RHPN2: variants seen among roughly 807,000 people sequenced by gnomAD.
RHPN2 encodes the protein rhophilin Rho GTPase binding protein 2, also known as rhophilin-2.
RHPN2 carries 40 observed loss-of-function variants against 79.0 expected under a neutral mutation model. That is an observed-to-expected ratio of 0.51 (90% CI 0.39 to 0.66). The LOEUF (loss-of-function observed/expected upper bound fraction) is 0.66. Among genes scored for constraint, RHPN2 ranks in the 30% least tolerant of loss-of-function variants. The pLI, the probability that RHPN2 is intolerant of heterozygous loss-of-function variation, is 0.00. For missense variants in RHPN2, 686 were observed against 883.5 expected (o/e 0.78, Z 2.83); for synonymous variants, 285 against 363.5 (o/e 0.78, Z 2.46).
chr19:32,995,912 C>T, intron 11 of RHPN2, 114 bp downstream of exon 11: 1 of 981,700 alleles, frequency 1.0e-6, no homozygotes, highest in East Asian at 2.5e-5. Context: ...CTACCCTGTG[C>T]AGCTCTCCTT....
intron 1 of RHPN2, among the ~76,000 whole-genome samples, chr19:33,062,087 CACA>C (rs1972284896): frequency 6.6e-6 from 1 of 152,132 alleles, no homozygotes; most frequent in Non-Finnish European, 1.5e-5. Flanking sequence ...CATGGAGTAG[CACA>C]ACAATTGTTA....
At position 32,996,134 on chromosome 19, in the gene RHPN2, C is replaced by A; in HGVS notation, c.1312G>T (p.Val438Leu). 1 of 1,614,172 alleles carries A rather than the reference C, an allele frequency of 6.2e-7. No individual in the cohort carries two copies. The highest frequency in any genetic ancestry group is 8.5e-7 in the Non-Finnish European group (1 of 1,179,996). ...SLCKKLRSIE[V>L]LQKVLCAAQE... is the part of the protein sequence containing the mutation. ...GCGGCACACAGCACCTTCTGTAGCA[C>A]CTCAATGCTCCGCAGCTTCTTGCAG... Residue 438 changes from valine (V) to leucine (L), a missense_variant, in exon 11 of 15, where the codon GTG becomes TTG. Physicochemically the swap from Val to Leu is conservative, Grantham distance 32. Transcript: ENST00000254260.
chr19:32,990,864 A>G, intron 13 of RHPN2, 195 bp from the exon 14 acceptor site: 1 of 581,988 alleles, frequency 1.7e-6, no homozygotes, highest in East Asian at 3.2e-5. Flanking sequence ...ACCCATCTCT[A>G]CTAAAAATAC....
intron 2 of RHPN2, among the ~76,000 whole-genome samples, chr19:33,031,776 G>A (rs1276414241): frequency 6.6e-6 from 1 of 151,926 alleles, no homozygotes; most frequent in Non-Finnish European, 1.5e-5. Flanking sequence ...CTGCCTCACG[G>A]GTTCCAGTGA....
At chr19:33,064,335 T>C (rs1599840320) in intron 1 of RHPN2, among the ~76,000 whole-genome samples, 2 of 59,194 alleles carry the variant, frequency 3.4e-5, no homozygotes, top group Non-Finnish European at 5.3e-5. Flanking sequence ...AAAATAAATA[T>C]GAGACCGCCA....
chr19:33,005,866 C>T (rs1971786527), intron 7 of RHPN2, among the ~76,000 whole-genome samples: 1 of 152,098 alleles, frequency 6.6e-6, no homozygotes, highest in Non-Finnish European at 1.5e-5. Flanking sequence ...ATCGCTTCAT[C>T]CCGATAGACC....
chr19:33,004,582 T>G (rs545181641), intron 7 of RHPN2, among the ~76,000 whole-genome samples: 1 of 152,140 alleles, frequency 6.6e-6, no homozygotes, highest in East Asian at 1.9e-4. Flanking sequence ...TTAAGTTATA[T>G]ATGTATATTT....
intron 1 of RHPN2, among the ~76,000 whole-genome samples, chr19:33,056,993 G>A (rs761158964): frequency 5.3e-5 from 8 of 151,594 alleles, no homozygotes; most frequent in East Asian, 1.9e-4. Context: ...GGTGGCGGTC[G>A]CCTGTAGTCC....
At chr19:32,990,459 A>G (rs1199227454) in intron 14 of RHPN2, 55 bp downstream of exon 14, 1 of 1,588,334 alleles carries the variant, frequency 6.3e-7, no homozygotes, top group Non-Finnish European at 8.6e-7. Flanking sequence ...GGCTGAACTC[A>G]TGCAGATTTC....
At chr19:32,991,140 G>A (rs1340552015) in intron 13 of RHPN2, among the ~76,000 whole-genome samples, 1 of 151,928 alleles carries the variant, frequency 6.6e-6, no homozygotes, top group African/African-American at 2.4e-5. Flanking sequence ...TGGCCAACAT[G>A]GCAAAACCCC....
chr19:33,007,968 C>T (rs766247975), intron 7 of RHPN2, 46 bp downstream of exon 7: 19 of 1,608,048 alleles, frequency 1.2e-5, no homozygotes, highest in South Asian at 9.9e-5. Context: ...CTGGTGCCAC[C>T]GGGTGGGGCC....
chr19:33,063,822 G>GCCCGCCT (rs1972302860), intron 1 of RHPN2, among the ~76,000 whole-genome samples: 2 of 84,400 alleles, frequency 2.4e-5, no homozygotes, highest in Non-Finnish European at 2.4e-5. Context: ...GCCGCCCGCC[G>GCCCGCCT]CCCGCCGCCC....
At chr19:33,035,522 G>A (rs543029843) in intron 2 of RHPN2, among the ~76,000 whole-genome samples, 2 of 152,290 alleles carry the variant, frequency 1.3e-5, no homozygotes, top group South Asian at 4.1e-4. Flanking sequence ...GTTGGTTTCT[G>A]TAATGCTGAC....
chr19:32,999,099 C>T (rs1971727805), intron 10 of RHPN2, among the ~76,000 whole-genome samples: 1 of 151,808 alleles, frequency 6.6e-6, no homozygotes, highest in Non-Finnish European at 1.5e-5. Flanking sequence ...TGGGAGTTGC[C>T]ATCACTGAGA....
chr19:33,055,587 A>G (rs1972225221), intron 1 of RHPN2, among the ~76,000 whole-genome samples: 1 of 152,096 alleles, frequency 6.6e-6, no homozygotes, highest in South Asian at 2.1e-4. Flanking sequence ...GCCCATCAGA[A>G]GGCTTCCTCA....
At chr19:33,046,195 T>C (rs1422057882) in intron 1 of RHPN2, among the ~76,000 whole-genome samples, 2 of 152,228 alleles carry the variant, frequency 1.3e-5, no homozygotes, top group Admixed American at 1.3e-4. Flanking sequence ...GGATATGTGC[T>C]TTTGTTTCTC....
At chr19:32,990,879 A>C in intron 13 of RHPN2, 8 of 530,418 alleles carry the variant, frequency 1.5e-5, no homozygotes, top group Middle Eastern at 5.4e-4. Context: ...AAATACAAAA[A>C]TCAGCCAGGT....
intron 14 of RHPN2, among the ~76,000 whole-genome samples, chr19:32,984,090 G>A (rs539357644): frequency 7.2e-5 from 11 of 152,268 alleles, no homozygotes; most frequent in African/African-American, 2.2e-4. Context: ...GGGTATGAAC[G>A]TGCTGAAGGT....
intron 12 of RHPN2, among the ~76,000 whole-genome samples, chr19:32,992,808 T>C (rs1357152690): frequency 7.2e-6 from 1 of 138,976 alleles, no homozygotes; most frequent in Non-Finnish European, 1.6e-5. Context: ...AGTTAGACCC[T>C]GTCTTAAAAA....
Sources: gnomAD v4.1 joint callset for allele counts (sites outside exome capture counted in the v4.1 genomes callset) on GRCh38, gnomAD v4.1.1 for gene constraint, MANE v1.5 for transcripts, NCBI Gene and HGNC (gene_info 2026-07-23, HGNC 2026-07-21) for gene names.